The following ATOSA variants were observed in gnomAD, a reference collection of about 807,000 sequenced individuals.
ATOSA encodes atos homolog A.
At chr15:52,627,354 C>T in the ATOSA span, among the ~76,000 whole-genome samples, 1 of 152,160 alleles carries the variant, frequency 6.6e-6, no homozygotes, top group Non-Finnish European at 1.5e-5. Context: ...TTATAATGCC[C>T]TGTTTGCCTC....
the ATOSA span, among the ~76,000 whole-genome samples, chr15:52,700,777 C>T: frequency 0.014 from 2,086 of 152,236 alleles, 52 homozygotes; most frequent in African/African-American, 0.048. Flanking sequence ...TTACCTCTCT[C>T]GTGGAAGTAA....
chr15:52,599,854 TCTATGCTCCCGG>T, the ATOSA span, among the ~76,000 whole-genome samples: 1 of 152,170 alleles, frequency 6.6e-6, no homozygotes, highest in Non-Finnish European at 1.5e-5. Flanking sequence ...TGTGGTCAAA[TCTATGCTCCCGG>T]CTTAAGTAAC....
At chr15:52,703,003 C>T in the ATOSA span, among the ~76,000 whole-genome samples, 1 of 151,968 alleles carries the variant, frequency 6.6e-6, no homozygotes, top group Non-Finnish European at 1.5e-5. Flanking sequence ...TAGAAACAGC[C>T]TAAATGTCAA....
chr15:52,631,522 T>C, the ATOSA span, among the ~76,000 whole-genome samples: 2 of 152,172 alleles, frequency 1.3e-5, no homozygotes, highest in Non-Finnish European at 2.9e-5. Flanking sequence ...TTCCAAAGGA[T>C]ACAGAGCTGA....
At chr15:52,593,819 G>T in the ATOSA span, 1 of 1,306,674 alleles carries the variant, frequency 7.7e-7, no homozygotes, top group Non-Finnish European at 1.0e-6. Context: ...TATACACTTA[G>T]TCTAAAGGCA....
chr15:52,687,178 G>A, the ATOSA span, among the ~76,000 whole-genome samples: 9 of 152,198 alleles, frequency 5.9e-5, no homozygotes, highest in Non-Finnish European at 8.8e-5. Context: ...GGCTGAGGTG[G>A]GTGGGTCACG....
At chr15:52,614,190 C>T in the ATOSA span, among the ~76,000 whole-genome samples, 1 of 152,120 alleles carries the variant, frequency 6.6e-6, no homozygotes, top group Non-Finnish European at 1.5e-5. Context: ...ACTGCAACCT[C>T]CGCCTCCTGG....
At chr15:52,664,807 G>A in the ATOSA span, among the ~76,000 whole-genome samples, 4 of 152,102 alleles carry the variant, frequency 2.6e-5, no homozygotes, top group East Asian at 7.7e-4. Flanking sequence ...GCAGGGTGGT[G>A]TGCGCCTATA....
the ATOSA span, among the ~76,000 whole-genome samples, chr15:52,693,922 G>A: frequency 5.9e-5 from 9 of 152,100 alleles, no homozygotes; most frequent in African/African-American, 1.2e-4. Flanking sequence ...GCAGATATGC[G>A]TGTCTGCACT....
At chr15:52,660,209 C>T in the ATOSA span, among the ~76,000 whole-genome samples, 1 of 152,082 alleles carries the variant, frequency 6.6e-6, no homozygotes, top group East Asian at 1.9e-4. Flanking sequence ...TAATTCTGTG[C>T]CAACCTGTGA....
chr15:52,614,788 C>T, the ATOSA span, among the ~76,000 whole-genome samples: 43 of 151,782 alleles, frequency 2.8e-4, no homozygotes, highest in African/African-American at 9.4e-4. Flanking sequence ...ATGGAGGTTG[C>T]GGTGAGCCAA....
the ATOSA span, chr15:52,600,106 A>G: frequency 7.5e-7 from 1 of 1,334,160 alleles, no homozygotes; most frequent in South Asian, 1.2e-5. Flanking sequence ...TCATTTAAAG[A>G]ACAGTTTCAA....
At chr15:52,611,497 T>A in the ATOSA span, 2 of 1,434,300 alleles carry the variant, frequency 1.4e-6, no homozygotes, top group Non-Finnish European at 1.9e-6. Context: ...AAAGACATGA[T>A]ACATTAAAAT....
At chr15:52,610,542 G>A in the ATOSA span, among the ~76,000 whole-genome samples, 1 of 152,168 alleles carries the variant, frequency 6.6e-6, no homozygotes, top group Non-Finnish European at 1.5e-5. Context: ...ATATAATTCT[G>A]ATAAAACCAA....
At chr15:52,699,974 G>A in the ATOSA span, among the ~76,000 whole-genome samples, 5 of 152,100 alleles carry the variant, frequency 3.3e-5, no homozygotes, top group African/African-American at 9.7e-5. Flanking sequence ...AACACAGCTT[G>A]TTTTTCCTTA....
chr15:52,582,391 G>C, the ATOSA span: 5 of 1,200,920 alleles, frequency 4.2e-6, no homozygotes. Context: ...AAAGTAGGAA[G>C]AACAAATCTT....
the ATOSA span, among the ~76,000 whole-genome samples, chr15:52,692,115 A>C: frequency 6.6e-6 from 1 of 152,216 alleles, no homozygotes; most frequent in Non-Finnish European, 1.5e-5. Flanking sequence ...TCTCAGCTAT[A>C]AACAGAGAAA....
At chr15:52,633,925 A>G in the ATOSA span, among the ~76,000 whole-genome samples, 1 of 152,200 alleles carries the variant, frequency 6.6e-6, no homozygotes, top group Non-Finnish European at 1.5e-5. Flanking sequence ...GCATAACAAT[A>G]GCATAAAGGC....
At chr15:52,707,241 G>A in the ATOSA span, among the ~76,000 whole-genome samples, 2 of 152,100 alleles carry the variant, frequency 1.3e-5, no homozygotes, top group Non-Finnish European at 2.9e-5. Flanking sequence ...GTATTTACAC[G>A]GTCTCATTGT....
Sources: gnomAD v4.1 joint callset for allele counts (sites outside exome capture counted in the v4.1 genomes callset) on GRCh38, gnomAD v4.1.1 for gene constraint, MANE v1.5 for transcripts, NCBI Gene and HGNC (gene_info 2026-07-23, HGNC 2026-07-21) for gene names.